The following VOPP1 variants were observed in gnomAD, a reference collection of about 807,000 sequenced individuals.
The protein encoded by VOPP1 is VOPP1 WW domain binding protein, also known as WW domain binding protein VOPP1.
In VOPP1, 8 loss-of-function variants were observed where a neutral mutation model predicts 23.5. The ratio of observed to expected loss-of-function variants is 0.34; its 90% CI spans 0.20 to 0.61. VOPP1 has a LOEUF of 0.61. VOPP1 is among the 20% of genes least tolerant of loss of function. The pLI, the probability that VOPP1 is intolerant of heterozygous loss-of-function variation, is 0.78. For synonymous variants in VOPP1, 83 were observed against 97.3 expected (o/e 0.85, Z 0.86); for missense variants, 174 against 238.1 (o/e 0.73, Z 1.77).
intron 1 of VOPP1, among the ~76,000 whole-genome samples, chr7:55,564,115 T>C (rs986039530): frequency 6.6e-6 from 1 of 152,150 alleles, no homozygotes; most frequent in African/African-American, 2.4e-5. Context: ...TATAGGAACC[T>C]GGCTTCACAG....
intron 4 of VOPP1, among the ~76,000 whole-genome samples, chr7:55,478,567 G>C (rs1333150991): frequency 6.6e-6 from 1 of 151,940 alleles, no homozygotes; most frequent in Non-Finnish European, 1.5e-5. Flanking sequence ...AAACTGAAAG[G>C]GAGAAACAAA....
rs1053772277 is a variant in VOPP1 at position 55,572,461 on chromosome 7, G to T, written c.-137C>A. The T allele has an allele frequency of 3.5e-5, 18 of 518,622 alleles. No individual in the cohort carries two copies. The highest frequency in any genetic ancestry group is 2.7e-4 in the African/African-American group (13 of 47,878). 32.1% of individuals were successfully genotyped at this position (518,622 alleles called of 1,614,324 possible). ...ACCGCTGGGGGGCCCGGCTGGGAGC[G>T]GGCGGGAGCCGGGGCGCGCCGCGCA... On this transcript the variant is annotated 5_prime_UTR_variant, in exon 1 of 5. Transcript: ENST00000285279.
At chr7:55,554,738 T>A (rs1350289906) in intron 1 of VOPP1, among the ~76,000 whole-genome samples, 2 of 151,970 alleles carry the variant, frequency 1.3e-5, no homozygotes, top group Non-Finnish European at 2.9e-5. Flanking sequence ...CTGGAGGAGG[T>A]CTCTGTTAGA....
At chr7:55,564,243 G>GTC (rs71561947) in intron 1 of VOPP1, among the ~76,000 whole-genome samples, 1,544 of 125,972 alleles carry the variant, frequency 0.012, 40 homozygotes, top group African/African-American at 0.046. Context: ...CTCTGTCTCT[G>GTC]TCTCTCTCTC....
intron 1 of VOPP1, chr7:55,521,698 C>G: frequency 1.0e-6 from 1 of 987,000 alleles, no homozygotes; most frequent in Non-Finnish European, 1.2e-6. Flanking sequence ...AAGTCCAGCT[C>G]CTAACATCCC....
intron 4 of VOPP1, among the ~76,000 whole-genome samples, chr7:55,490,063 G>A (rs1345107035): frequency 6.6e-6 from 1 of 152,082 alleles, no homozygotes; most frequent in Non-Finnish European, 1.5e-5. Context: ...AGCGGGGATG[G>A]GTCTGAGGAA....
chr7:55,516,035 C>T, intron 2 of VOPP1: 2 of 985,466 alleles, frequency 2.0e-6, no homozygotes, highest in Non-Finnish European at 2.4e-6. Flanking sequence ...CAAGCAGAAG[C>T]TCAACTCGAG....
chr7:55,535,745 C>T (rs1170038756), intron 1 of VOPP1, among the ~76,000 whole-genome samples: 1 of 152,214 alleles, frequency 6.6e-6, no homozygotes, highest in Non-Finnish European at 1.5e-5. Flanking sequence ...TCTTCCCTTC[C>T]GTGAACTTAT....
At chr7:55,531,443 G>A (rs1262924690) in intron 1 of VOPP1, among the ~76,000 whole-genome samples, 1 of 150,144 alleles carries the variant, frequency 6.7e-6, no homozygotes, top group Non-Finnish European at 1.5e-5. Flanking sequence ...TCTGCCTCCT[G>A]GGTTCAAGCG....
intron 1 of VOPP1, among the ~76,000 whole-genome samples, chr7:55,539,899 G>GCACACA (rs60831624): frequency 0.16 from 21,651 of 139,148 alleles, 2,222 homozygotes; most frequent in Non-Finnish European, 0.22. Flanking sequence ...CATAAGCGCT[G>GCACACA]CACACACACA....
downstream of VOPP1, among the ~76,000 whole-genome samples, chr7:55,468,426 A>AG (rs1415183049): frequency 6.6e-6 from 1 of 152,212 alleles, no homozygotes; most frequent in East Asian, 1.9e-4. Context: ...AAGAGGAGGT[A>AG]GGCAAATTGC....
intron 4 of VOPP1, among the ~76,000 whole-genome samples, chr7:55,441,728 C>T (rs1790970354): frequency 6.6e-6 from 1 of 152,178 alleles, no homozygotes; most frequent in South Asian, 2.1e-4. Context: ...CCTCACCCCC[C>T]AGGTCATTGG....
At chr7:55,506,490 C>G (rs1794734165) in intron 2 of VOPP1, among the ~76,000 whole-genome samples, 1 of 152,118 alleles carries the variant, frequency 6.6e-6, no homozygotes, top group Non-Finnish European at 1.5e-5. Context: ...TGTGCGCCCC[C>G]ACGCCCAGCT....
intron 2 of VOPP1, among the ~76,000 whole-genome samples, chr7:55,505,552 G>A (rs962589633): frequency 2.0e-5 from 3 of 151,180 alleles, no homozygotes; most frequent in African/African-American, 7.3e-5. Context: ...TTTCAGCATC[G>A]GGATTAAAAA....
chr7:55,549,086 A>G (rs553400520), intron 1 of VOPP1, among the ~76,000 whole-genome samples: 1 of 152,196 alleles, frequency 6.6e-6, no homozygotes, highest in African/African-American at 2.4e-5. Flanking sequence ...CAGTGAAAAC[A>G]ACACTCCAAG....
chr7:55,538,371 G>T (rs1796933039), intron 1 of VOPP1, among the ~76,000 whole-genome samples: 1 of 152,308 alleles, frequency 6.6e-6, no homozygotes, highest in East Asian at 1.9e-4. Context: ...AAGCTGCAAA[G>T]AATATATCCA....
chr7:55,547,585 G>A (rs1232076116), intron 1 of VOPP1, among the ~76,000 whole-genome samples: 1 of 152,152 alleles, frequency 6.6e-6, no homozygotes, highest in Non-Finnish European at 1.5e-5. Flanking sequence ...TGCCCATCAT[G>A]CAACCCTTTA....
At chr7:55,558,021 C>T (rs184807980) in intron 1 of VOPP1, among the ~76,000 whole-genome samples, 49 of 152,242 alleles carry the variant, frequency 3.2e-4, no homozygotes, top group Non-Finnish European at 5.4e-4. Context: ...ACAAGAAAAC[C>T]CTTCAACAGA....
chr7:55,558,310 A>G (rs1483277236), intron 1 of VOPP1, among the ~76,000 whole-genome samples: 3 of 152,192 alleles, frequency 2.0e-5, no homozygotes, highest in Non-Finnish European at 4.4e-5. Flanking sequence ...GCTTATCTCC[A>G]AACTCATCAA....
Sources: gnomAD v4.1 joint callset for allele counts (sites outside exome capture counted in the v4.1 genomes callset) on GRCh38, gnomAD v4.1.1 for gene constraint, MANE v1.5 for transcripts, NCBI Gene and HGNC (gene_info 2026-07-23, HGNC 2026-07-21) for gene names.